The following BBX variants were observed in gnomAD, a reference collection of about 807,000 sequenced individuals.
BBX encodes the protein HMG box transcription factor BBX.
A neutral mutation model predicts 100.2 loss-of-function variants in BBX; 30 were observed. That is an observed-to-expected ratio of 0.30 (90% confidence interval 0.22 to 0.41). The LOEUF (loss-of-function observed/expected upper bound fraction) is 0.41. Ranked by LOEUF, BBX falls within the 10% of genes least tolerant of loss-of-function variation. The pLI, the probability that BBX is intolerant of heterozygous loss-of-function variation, is 1.00. For missense variants in BBX, 1,023 were observed against 1,129.8 expected (o/e 0.91, Z 1.35); for synonymous variants, 376 against 388.1 (o/e 0.97, Z 0.37).
intron 2 of BBX, among the ~76,000 whole-genome samples, chr3:107,573,415 G>T (rs1266194182): frequency 6.6e-6 from 1 of 151,938 alleles, no homozygotes; most frequent in Admixed American, 6.6e-5. Context: ...AAAATTAGCC[G>T]GGCTTGGCGG....
rs200192276 is a variant in BBX, at chr3:107,728,926, T to C, written c.567T>C (p.Thr189=). The C allele has an allele frequency of 1.2e-6, 2 of 1,613,550 alleles. No individual in the cohort carries two copies. The highest frequency in any genetic ancestry group is 2.2e-5 in the East Asian group (1 of 44,854). The change falls in exon 6 of 18, where the codon ACT becomes ACC. Residue 189 remains threonine (T), a synonymous_variant. Transcript: ENST00000325805. Reference sequence around the variant, plus strand: ...TGCCAAGCCCCAAGAAAGCAAAGACTGAAGAAATGCCTCAGCTTAACTTTG... The same window carrying C: ...TGCCAAGCCCCAAGAAAGCAAAGACCGAAGAAATGCCTCAGCTTAACTTTG... ...RDLPSPKKAK[T]EEMPQLNFGM...
chr3:107,757,653 T>G (rs899384594), intron 10 of BBX, among the ~76,000 whole-genome samples: 2 of 152,196 alleles, frequency 1.3e-5, no homozygotes, highest in Non-Finnish European at 1.5e-5. Context: ...TAATTAAACT[T>G]AAGTATATGC....
At chr3:107,567,151 G>T (rs2050980052) in intron 2 of BBX, among the ~76,000 whole-genome samples, 1 of 152,090 alleles carries the variant, frequency 6.6e-6, no homozygotes, top group Non-Finnish European at 1.5e-5. Context: ...GCAGTATTTA[G>T]AAATTTGTTA....
rs760537713 is a variant in BBX, at chr3:107,774,810, G to C, written c.2007G>C (p.Gly669=). ...SWTFSQSGTS[G]SKKFKKTKPK... ...CATTTAGTCAGAGTGGGACCAGTGG[G>C]AGCAAGAAGTTCAAGAAGACAAAGC... Residue 669 remains glycine (G), a synonymous_variant, in exon 12 of 18, where the codon GGG becomes GGC. Transcript: ENST00000325805. 2 of 1,613,446 alleles carry C rather than the reference G, an allele frequency of 1.2e-6. No homozygotes were observed. Among genetic ancestry groups the C allele is most frequent in the Admixed American group, 3.3e-5 (2 of 59,928 alleles).
rs1272375948 is a variant in BBX, at chr3:107,700,835, G to T, written c.-9-9617G>T. Among the ~76,000 whole-genome samples, 128 of 150,290 alleles carry T rather than the reference G, an allele frequency of 8.5e-4. 1 individual carries two copies. The highest frequency in any genetic ancestry group is 2.2e-3 in the African/African-American group (86 of 39,888). On this transcript the variant is annotated intron_variant, in intron 3 of 17. Transcript: ENST00000325805. ...TGTGCCACATTTTCTTAATCCAGTC[G>T]ATCATTGTTGGACATTTGGGTTGGT...
intron 17 of BBX, among the ~76,000 whole-genome samples, chr3:107,802,494 G>A (rs1200613389): frequency 6.6e-6 from 1 of 152,250 alleles, no homozygotes; most frequent in African/African-American, 2.4e-5. Context: ...GAGTTGTGCA[G>A]TCAAGGATAG....
At chr3:107,736,094 T>C (rs1219351215) in intron 7 of BBX, among the ~76,000 whole-genome samples, 1 of 152,040 alleles carries the variant, frequency 6.6e-6, no homozygotes, top group Non-Finnish European at 1.5e-5. Context: ...ATTTATTGAT[T>C]GAGGAAGCAA....
chr3:107,593,199 A>G (rs1192591106), intron 2 of BBX, among the ~76,000 whole-genome samples: 1 of 152,236 alleles, frequency 6.6e-6, no homozygotes, highest in African/African-American at 2.4e-5. Flanking sequence ...GCTAGATATT[A>G]TGGGATAAAC....
chr3:107,773,195 G>A lies in BBX; in HGVS notation c.1474G>A (p.Ala492Thr). 6.2e-7 allele frequency: 1 copy of A among 1,614,090 alleles called. No individual in the cohort carries two copies. The highest frequency in any genetic ancestry group is 8.5e-7 in the Non-Finnish European group (1 of 1,180,002). Residue 492 changes from alanine (A) to threonine (T), a missense_variant, in exon 11 of 18, where the codon GCC (alanine) becomes ACC (threonine). Around this residue, in one of 9 missense-constraint regions of BBX, gnomAD observed 348 missense variants for 353.2 expected, o/e 0.99. Coordinates refer to ENST00000325805, the MANE Select transcript of BBX (RefSeq NM_001142568.3). This position sits in a 1 kb window ranked among gnomAD's most constrained non-coding sequence, Gnocchi z 4.1. ...TGAGAGCGTCATATATACCATTGAA[G>A]CCGTCGCAAAAGGAGACTGGGGCAT... ...DIESVIYTIE[A>T]VAKGDWGIEK... is the part of the protein sequence containing the mutation.
At chr3:107,657,031 A>T (rs969624755) in intron 3 of BBX, 1 of 152,156 alleles carries the variant, frequency 6.6e-6, no homozygotes, top group Non-Finnish European at 1.5e-5. Flanking sequence ...TTGAATGTTA[A>T]GGTGAGTTTA....
At chr3:107,645,191 A>G (rs1307336756) in intron 2 of BBX, among the ~76,000 whole-genome samples, 1 of 152,218 alleles carries the variant, frequency 6.6e-6, no homozygotes, top group Non-Finnish European at 1.5e-5. Flanking sequence ...GATATGGTTT[A>G]GGGATATATA....
intron 2 of BBX, among the ~76,000 whole-genome samples, chr3:107,641,310 A>G (rs1355164576): frequency 6.6e-6 from 1 of 151,782 alleles, no homozygotes; most frequent in Non-Finnish European, 1.5e-5. Flanking sequence ...GTTTTGAACT[A>G]TTGAGCTCAA....
chr3:107,778,783 AC>A (rs2067544609), intron 13 of BBX, among the ~76,000 whole-genome samples: 1 of 151,556 alleles, frequency 6.6e-6, no homozygotes, highest in Non-Finnish European at 1.5e-5. Context: ...ATGGTCTTCA[AC>A]CTCCTGCTCT....
chr3:107,697,770 G>A (rs1559991473), intron 3 of BBX, among the ~76,000 whole-genome samples: 1 of 151,824 alleles, frequency 6.6e-6, no homozygotes, highest in Non-Finnish European at 1.5e-5. Context: ...GCAAGCCTGG[G>A]CAATGGCGGG....
At chr3:107,543,332 C>A (rs998739412) in intron 2 of BBX, among the ~76,000 whole-genome samples, 1 of 152,184 alleles carries the variant, frequency 6.6e-6, no homozygotes, top group Non-Finnish European at 1.5e-5. Context: ...CTGTAGAAAT[C>A]TGTTTAGCTC....
chr3:107,783,851 C>G (rs1439835447), intron 13 of BBX, among the ~76,000 whole-genome samples: 2 of 151,936 alleles, frequency 1.3e-5, no homozygotes, highest in Non-Finnish European at 2.9e-5. Context: ...AAGAGGCAAA[C>G]AAGGAAGCAT....
At chr3:107,793,294 T>C (rs2069246384) in intron 15 of BBX, among the ~76,000 whole-genome samples, 1 of 152,128 alleles carries the variant, frequency 6.6e-6, no homozygotes, top group African/African-American at 2.4e-5. Flanking sequence ...TTAGCAGAAA[T>C]ATAGTTATAA....
intron 2 of BBX, among the ~76,000 whole-genome samples, chr3:107,549,060 A>G (rs976882657): frequency 5.3e-5 from 8 of 152,220 alleles, no homozygotes; most frequent in African/African-American, 1.9e-4. Flanking sequence ...CCTGGGTGAC[A>G]GGACCATCCG....
At chr3:107,636,899 T>G (rs1403453776) in intron 2 of BBX, among the ~76,000 whole-genome samples, 1 of 152,242 alleles carries the variant, frequency 6.6e-6, no homozygotes, top group Non-Finnish European at 1.5e-5. Context: ...GTGCTTAGTT[T>G]TAATGGAAAA....
Sources: gnomAD v4.1 joint callset for allele counts (sites outside exome capture counted in the v4.1 genomes callset) on GRCh38, gnomAD v4.1.1 for gene constraint, gnomAD v4.1.1 regional missense constraint, Gnocchi (gnomAD v3.1) non-coding constraint, MANE v1.5 for transcripts, NCBI Gene and HGNC (gene_info 2026-07-23, HGNC 2026-07-21) for gene names.